PC: variants seen among roughly 807,000 people sequenced by gnomAD.
PC encodes the protein pyruvate carboxylase, mitochondrial.
PC carries 46 observed loss-of-function variants against 107.8 expected under a neutral mutation model. The ratio of observed to expected loss-of-function variants is 0.43; its 90% CI spans 0.34 to 0.55. The LOEUF (loss-of-function observed/expected upper bound fraction) is 0.55. PC is among the 20% of genes least tolerant of loss of function. The pLI, the probability that PC is intolerant of heterozygous loss-of-function variation, is 0.04. For missense variants in PC, 1,241 were observed against 1,643.1 expected (o/e 0.76, Z 4.23); for synonymous variants, 662 against 684.7 (o/e 0.97, Z 0.52).
intron 1 of PC, among the ~76,000 whole-genome samples, chr11:66,955,233 G>A (rs1355358412): frequency 1.3e-5 from 2 of 152,224 alleles, no homozygotes; most frequent in Non-Finnish European, 2.9e-5. Flanking sequence ...GAGGGACACA[G>A]GGAACTGTGG....
At chr11:66,943,623 C>T (rs1208841943) in intron 3 of PC, among the ~76,000 whole-genome samples, 4 of 150,966 alleles carry the variant, frequency 2.6e-5, no homozygotes, top group East Asian at 2.0e-4. Context: ...TGGTGGCAGG[C>T]GCCTGTAGTC....
In PC at chr11:66,848,986, G is replaced by C. The variant is rs1304616410; in HGVS notation, c.3450C>G (p.Thr1150=). The C allele has an allele frequency of 6.2e-6, 10 of 1,613,958 alleles. No homozygotes were observed. The highest frequency in any genetic ancestry group is 8.5e-6 in the Non-Finnish European group (10 of 1,180,038). Residue 1150 remains threonine (T), a synonymous_variant, in exon 23 of 23, where the codon ACC becomes ACG. Coordinates refer to ENST00000393960, the MANE Select transcript of PC (RefSeq NM_001040716.2). ...TGCGGACAGTACCCTCCATGGGTGA[G>C]GTCACCACAGTCTCCATCTTCATGG... ...LSAMKMETVV[T]SPMEGTVRKV...
intron 3 of PC, among the ~76,000 whole-genome samples, chr11:66,876,436 A>C (rs1354787732): frequency 6.6e-6 from 1 of 152,234 alleles, no homozygotes; most frequent in Non-Finnish European, 1.5e-5. Flanking sequence ...AAAGTCTGAA[A>C]TCATTTCAAA....
rs780759271 is a variant in PC at position 66,851,895 on chromosome 11, C to T, written c.1877G>A (p.Arg626Gln). ...MRFLYECPWR[R>Q]LQELRELIPN... is the part of the protein sequence containing the mutation. ...GATGAGCTCCCGGAGCTCCTGCAGC[C>T]GCCGCCAGGGGCACTCATACAGGAA... The change falls in exon 16 of 23, where the codon CGG becomes CAG. Residue 626 changes from arginine to glutamine, a missense_variant. Coordinates refer to ENST00000393960, the MANE Select transcript of PC (RefSeq NM_001040716.2). 11 of 1,613,952 alleles carry T rather than the reference C, an allele frequency of 6.8e-6. No homozygotes were observed. The highest frequency in any genetic ancestry group is 3.3e-5 in the South Asian group (3 of 91,092).
intron 12 of PC, among the ~76,000 whole-genome samples, chr11:66,860,821 G>A (rs1171490914): frequency 1.3e-5 from 2 of 152,228 alleles, no homozygotes; most frequent in Admixed American, 6.5e-5. Context: ...AGGGTCTGCG[G>A]GGCGGACACA....
intron 2 of PC, among the ~76,000 whole-genome samples, chr11:66,953,811 C>T (rs1949492094): frequency 6.6e-6 from 1 of 152,160 alleles, no homozygotes; most frequent in Admixed American, 6.6e-5. Flanking sequence ...CAGTGAGCCA[C>T]CTAGCCTGCC....
At chr11:66,928,046 C>T in intron 3 of PC, among the ~76,000 whole-genome samples, 1 of 152,050 alleles carries the variant, frequency 6.6e-6, no homozygotes, top group East Asian at 1.9e-4. Context: ...ATTTCAGATG[C>T]CTATGTTGTG....
rs1946404893 is a variant in PC at position 66,864,373 on chromosome 11, C to A, written c.1186-417G>T. Reference sequence around the variant, plus strand: ...GGATTGAGGTCTGCTGACCCGGCCGCTAAAGGGCCTCGCCGTGGGCTCCCA... The same window carrying A: ...GGATTGAGGTCTGCTGACCCGGCCGATAAAGGGCCTCGCCGTGGGCTCCCA... On this transcript the variant is annotated intron_variant, in intron 11 of 22. Coordinates refer to ENST00000393960, the MANE Select transcript of PC (RefSeq NM_001040716.2). 2.0e-5 allele frequency among the ~76,000 whole-genome samples: 3 copies of A among 152,376 alleles called. No individual in the cohort carries two copies. The South Asian group carries it at 6.2e-4, about 32-fold the overall frequency.
intron 3 of PC, among the ~76,000 whole-genome samples, chr11:66,915,472 G>A: frequency 6.6e-6 from 1 of 152,244 alleles, no homozygotes; most frequent in Non-Finnish European, 1.5e-5. Flanking sequence ...CCAGCATGAA[G>A]CATGCGGCCT....
rs1949230280 is a variant in PC at position 66,944,140 on chromosome 11, G to A, written c.-1+8290C>T. Among the ~76,000 whole-genome samples, 2 of 114,288 alleles carry A rather than the reference G, an allele frequency of 1.7e-5. 1 individual carries two copies. The highest frequency in any genetic ancestry group is 4.9e-4 in the South Asian group (2 of 4,042). 75.0% of individuals were successfully genotyped at this position (114,288 alleles called of 152,430 possible). ...AATAAAAATACAAAAAATTAGCCGG[G>A]TGTGATGGTGGGCGCCTGTAGTCCC... On this transcript the variant is annotated intron_variant, in intron 3 of 22. Coordinates refer to ENST00000393960, the MANE Select transcript of PC (RefSeq NM_001040716.2).
chr11:66,857,458 C>G lies in PC; in HGVS notation c.1369-4075G>C, dbSNP rs1230248644. 9 of 393,370 alleles carry G rather than the reference C, an allele frequency of 2.3e-5. No individual in the cohort carries two copies. Among genetic ancestry groups the G allele is most frequent in the Non-Finnish European group, 3.6e-5 (8 of 221,608 alleles). 24.4% of individuals were successfully genotyped at this position (393,370 alleles called of 1,614,324 possible). A position where few individuals can be genotyped will look rare whatever the true frequency, so the allele number is the denominator to read the frequency against. On this transcript the variant is annotated intron_variant, in intron 12 of 22. Coordinates refer to ENST00000393960, the MANE Select transcript of PC (RefSeq NM_001040716.2). This position sits in a 1 kb window ranked among gnomAD's most constrained non-coding sequence, Gnocchi z 7.1. ...GCCTGGGAAAGGAAGTTCCGGGACC[C>G]TCCCTGCTCTCGGTCCTCCTCCGCT...
chr11:66,850,151 C>T (rs375723194), intron 19 of PC, 35 bp from the exon 20 acceptor site: 15 of 1,613,756 alleles, frequency 9.3e-6, no homozygotes, highest in Admixed American at 3.3e-5. Context: ...GGGTGCCAGG[C>T]ACCTCAAGGA....
At position 66,858,365 on chromosome 11, in the gene PC, G is replaced by A. The variant is rs754095341; in HGVS notation, c.1369-4982C>T. 10 of 1,589,108 alleles carry A rather than the reference G, an allele frequency of 6.3e-6. 1 individual carries two copies. The Admixed American group carries it at 7.0e-5, about 11-fold the overall frequency. Reference sequence around the variant, plus strand: ...ACCTCACCTCCAACCGCCTGGCCACGCTGGCTCCGGACCCGCTTTTCTCTC... The same window carrying A: ...ACCTCACCTCCAACCGCCTGGCCACACTGGCTCCGGACCCGCTTTTCTCTC... On this transcript the variant is annotated intron_variant, in intron 12 of 22. Coordinates refer to ENST00000393960, the MANE Select transcript of PC (RefSeq NM_001040716.2). This position sits in a 1 kb window ranked among gnomAD's most constrained non-coding sequence, Gnocchi z 5.9.
Position 66,871,929 on chromosome 11 carries a change from G to A in PC, c.137-58C>T. 3 of 1,582,158 alleles carry A rather than the reference G, an allele frequency of 1.9e-6. No individual in the cohort carries two copies. Among genetic ancestry groups the A allele is most frequent in the Non-Finnish European group, 2.6e-6 (3 of 1,165,606 alleles). On this transcript the variant is annotated intron_variant, in intron 4 of 22. Transcript: ENST00000393960. This position sits in a 1 kb window ranked among gnomAD's most constrained non-coding sequence, Gnocchi z 7.4. Reference sequence around the variant, plus strand: ...TAGGTCCTAGGAGAAGCAGAAAGGGGAGTGGGAAGCCAGGGCCTGGGGCAG... The same window carrying A: ...TAGGTCCTAGGAGAAGCAGAAAGGGAAGTGGGAAGCCAGGGCCTGGGGCAG...
At chr11:66,939,208 C>CA (rs1366752321) in intron 3 of PC, among the ~76,000 whole-genome samples, 3 of 152,012 alleles carry the variant, frequency 2.0e-5, no homozygotes, top group Non-Finnish European at 4.4e-5. Flanking sequence ...AAAAATAATA[C>CA]AAATAAAAAC....
At chr11:66,908,827 G>A (rs1290997143) in intron 3 of PC, among the ~76,000 whole-genome samples, 1 of 152,122 alleles carries the variant, frequency 6.6e-6, no homozygotes, top group African/African-American at 2.4e-5. Flanking sequence ...GAGAACACGC[G>A]TTAACTGAAA....
Position 66,871,948 on chromosome 11 carries a change from G to C in PC, c.136+76C>G. ...AAAGGGGAGTGGGAAGCCAGGGCCTGGGGCAGTGAGTGGGAGAAGAATGCC... is the reference window on the plus strand; with the variant it reads ...AAAGGGGAGTGGGAAGCCAGGGCCTCGGGCAGTGAGTGGGAGAAGAATGCC... On this transcript the variant is annotated intron_variant, in intron 4 of 22. Transcript: ENST00000393960. The surrounding 1 kb of genome is among the most constrained non-coding windows in gnomAD (Gnocchi z 7.4). The C allele has an allele frequency of 6.4e-7, 1 of 1,568,218 alleles. No individual in the cohort carries two copies. The highest frequency in any genetic ancestry group is 8.6e-7 in the Non-Finnish European group (1 of 1,157,012).
chr11:66,900,942 C>T (rs1008835043), intron 3 of PC, among the ~76,000 whole-genome samples: 3 of 152,100 alleles, frequency 2.0e-5, no homozygotes, highest in African/African-American at 7.2e-5. Flanking sequence ...AATACTTTTA[C>T]CTCTTCCTTT....
chr11:66,857,948 C>T lies in PC; in HGVS notation c.1369-4565G>A, dbSNP rs767341898. On this transcript the variant is annotated intron_variant, in intron 12 of 22. Transcript: ENST00000393960. The surrounding 1 kb of genome is among the most constrained non-coding windows in gnomAD (Gnocchi z 7.1). ...TCCAGGCCCTGGGGCCCCCTGACTT[C>T]CGCAACATGACGGGACTGGTGGACC... is the stretch of plus-strand genomic sequence containing the variant. The T allele has an allele frequency of 5.0e-6, 8 of 1,612,574 alleles. No individual in the cohort carries two copies. In the South Asian group the frequency reaches 8.8e-5, roughly 18 times the overall value.
Sources: allele counts gnomAD v4.1 joint callset (sites outside exome capture counted in the v4.1 genomes callset), GRCh38; gene constraint gnomAD v4.1.1; non-coding constraint Gnocchi (gnomAD v3.1); transcripts MANE v1.5; gene names NCBI Gene and HGNC (gene_info 2026-07-23, HGNC 2026-07-21).